Variants in LOXHD1 observed in about 807,000 individuals in gnomAD.
LOXHD1 encodes the protein lipoxygenase homology domain-containing protein 1.
Under a neutral mutation model 248.2 loss-of-function variants are expected in LOXHD1, and 205 were observed. The observed-to-expected ratio is 0.83, with a 90% CI of 0.74 to 0.93. LOXHD1 has a LOEUF of 0.93. Among genes scored for constraint, LOXHD1 ranks in the 40% least tolerant of loss-of-function variants. The probability of loss-of-function intolerance (pLI) is 0.00; values close to 1 mark genes in which losing one functional copy is unlikely to be tolerated. For missense variants in LOXHD1, 2,930 were observed against 2,971.6 expected, an observed-to-expected ratio of 0.99 and a Z score of 0.33; for synonymous variants, 1,113 against 1,162.8, an observed-to-expected ratio of 0.96 and a Z score of 0.87.
chr18:46,579,744 T>C lies in LOXHD1; in HGVS notation c.1695A>G (p.Glu565=), dbSNP rs2144147692. Residue 565 remains glutamate (E), a synonymous_variant, in exon 13 of 41, where the codon GAA becomes GAG. Transcript: ENST00000642948. ...AGACGTTGGCATCGGTCCCAGCACC[T>C]TCAAGTTCACCTGTGCACACAGTCA... is the stretch of plus-strand genomic sequence containing the variant. ...YHVTVCTGEL[E]GAGTDANVYL... 7 of 1,551,856 alleles carry C rather than the reference T, an allele frequency of 4.5e-6. No homozygotes were observed. The highest frequency in any genetic ancestry group is 6.1e-6 in the Non-Finnish European group (7 of 1,147,020).
chr18:46,543,904 ATC>A (rs1331033204), intron 23 of LOXHD1, among the ~76,000 whole-genome samples: 2 of 152,104 alleles, frequency 1.3e-5, no homozygotes, highest in African/African-American at 4.8e-5. Flanking sequence ...ACATGTGAGA[ATC>A]TCTGGAGCAT....
chr18:46,594,595 T>C, intron 8 of LOXHD1, 129 bp from the exon 9 acceptor site: 1 of 1,063,706 alleles, frequency 9.4e-7, no homozygotes, highest in Non-Finnish European at 1.3e-6. Flanking sequence ...TGGCACCTTT[T>C]CTGTTGCCTA....
In LOXHD1 at chr18:46,575,714, C is replaced by A. The variant is rs962969862; in HGVS notation, c.1970+1993G>T. Among the ~76,000 whole-genome samples, 4 of 152,216 alleles carry A rather than the reference C, an allele frequency of 2.6e-5. No individual in the cohort carries two copies. The South Asian group carries it at 8.3e-4, about 32-fold the overall frequency. On this transcript the variant is annotated intron_variant, in intron 14 of 40. Transcript: ENST00000642948. ...TGACACCTTGATTTTGGACTTCTGGCCTCCGAAACTGTGAGACATTATGTT... is the reference window on the plus strand; with the variant it reads ...TGACACCTTGATTTTGGACTTCTGGACTCCGAAACTGTGAGACATTATGTT...
At chr18:46,606,793 G>A (rs961070543) in intron 6 of LOXHD1, among the ~76,000 whole-genome samples, 2 of 151,972 alleles carry the variant, frequency 1.3e-5, no homozygotes, top group African/African-American at 2.4e-5. Flanking sequence ...TAATTTTGAG[G>A]AAAAAATAGA....
intron 21 of LOXHD1, among the ~76,000 whole-genome samples, chr18:46,551,374 AT>A (rs145739160): frequency 0.076 from 11,583 of 152,106 alleles, 585 homozygotes; most frequent in South Asian, 0.19. Context: ...AAGTGCTGGG[AT>A]TATAGGCATG....
rs997316324 is a variant in LOXHD1 at position 46,616,076 on chromosome 18, A to G, written c.610+2116T>C. On this transcript the variant is annotated intron_variant, in intron 5 of 40. Transcript: ENST00000642948. ...TCCCATTTATTCTCAGACTTTCTGT[A>G]TCATATACTGTATTTAAGCTGGATT... Among the ~76,000 whole-genome samples, 37 of 152,118 alleles carry G rather than the reference A, an allele frequency of 2.4e-4. 1 individual carries two copies.
chr18:46,544,044 T>C (rs1399675895), intron 23 of LOXHD1, among the ~76,000 whole-genome samples: 1 of 152,250 alleles, frequency 6.6e-6, no homozygotes, highest in Non-Finnish European at 1.5e-5. Context: ...GTCATCGCTA[T>C]GTCTTCCTGC....
At chr18:46,643,222 C>T (rs554491098) in intron 2 of LOXHD1, among the ~76,000 whole-genome samples, 2 of 152,296 alleles carry the variant, frequency 1.3e-5, no homozygotes, top group African/African-American at 2.4e-5. Context: ...GAGACCCCCA[C>T]AGGATGCAGC....
chr18:46,633,850 C>G (rs2038859019), intron 4 of LOXHD1, among the ~76,000 whole-genome samples: 1 of 152,064 alleles, frequency 6.6e-6, no homozygotes, highest in African/African-American at 2.4e-5. Flanking sequence ...TGCAAATTAC[C>G]AATAAGCACA....
chr18:46,608,578 A>C lies in LOXHD1; in HGVS notation c.759+2198T>G, dbSNP rs555064334. Among the ~76,000 whole-genome samples, 4 of 152,320 alleles carry C rather than the reference A, an allele frequency of 2.6e-5. No individual in the cohort carries two copies. In the East Asian group the frequency reaches 7.7e-4, roughly 29 times the overall value. ...CCCTGGCTGAGGTCATAAAATGCAC[A>C]GGCCTCCTCTCCCCGCTTTGCCCAG... On this transcript the variant is annotated intron_variant, in intron 6 of 40. Coordinates refer to ENST00000642948, the MANE Select transcript of LOXHD1 (RefSeq NM_001384474.1).
At chr18:46,570,755 A>G (rs550539589) in intron 15 of LOXHD1, among the ~76,000 whole-genome samples, 13 of 152,276 alleles carry the variant, frequency 8.5e-5, no homozygotes, top group African/African-American at 3.1e-4. Context: ...AGTTAAAAAA[A>G]TTGCAAAAAA....
intron 4 of LOXHD1, among the ~76,000 whole-genome samples, chr18:46,628,364 G>A (rs1247925745): frequency 6.6e-6 from 1 of 152,172 alleles, no homozygotes; most frequent in Non-Finnish European, 1.5e-5. Flanking sequence ...TGCAGGGCTG[G>A]CCCAGCCCTC....
At chr18:46,534,956 A>G (rs1024014830) in intron 26 of LOXHD1, among the ~76,000 whole-genome samples, 2 of 152,266 alleles carry the variant, frequency 1.3e-5, no homozygotes, top group South Asian at 2.1e-4. Context: ...GCCTTTGCAC[A>G]TGCTTTGCTT....
intron 4 of LOXHD1, among the ~76,000 whole-genome samples, chr18:46,637,779 A>G (rs1482227928): frequency 6.6e-6 from 1 of 152,200 alleles, no homozygotes; most frequent in Non-Finnish European, 1.5e-5. Context: ...GGTGAGGGAC[A>G]TGGGCACCCT....
At position 46,566,416 on chromosome 18, in the gene LOXHD1, C is replaced by T; in HGVS notation, c.2278G>A (p.Gly760Ser). Residue 760 changes from glycine (G) to serine (S), a missense_variant, in exon 17 of 41, where the codon GGC becomes AGC. Transcript: ENST00000642948. The stretch of plus-strand genomic sequence containing the variant: ...CCCAGGAACCAGCTGGCATGCATGC[C>T]AGTGCTGTCATGCCCAATCACCAGC... Reference protein sequence around the residue: ...NRLVIGHDSTGMHASWFLGSV... With the variant: ...NRLVIGHDSTSMHASWFLGSV... The T allele has an allele frequency of 8.4e-6, 13 of 1,551,022 alleles. No individual in the cohort carries two copies. The highest frequency in any genetic ancestry group is 1.1e-5 in the Non-Finnish European group (13 of 1,146,998).
At chr18:46,622,334 T>A (rs1041721305) in intron 4 of LOXHD1, among the ~76,000 whole-genome samples, 1 of 152,248 alleles carries the variant, frequency 6.6e-6, no homozygotes, top group Non-Finnish European at 1.5e-5. Flanking sequence ...TTTATGGACA[T>A]TGCCATGTGA....
At chr18:46,546,437 G>T (rs1598969229) in intron 22 of LOXHD1, among the ~76,000 whole-genome samples, 1 of 130,966 alleles carries the variant, frequency 7.6e-6, no homozygotes, top group East Asian at 2.3e-4. Context: ...CTACTTCAAT[G>T]CATTCCATTC....
At position 46,569,341 on chromosome 18, in the gene LOXHD1, C is replaced by T. The variant is rs144638220; in HGVS notation, c.2244+101G>A. On this transcript the variant is annotated intron_variant, in intron 16 of 40. Transcript: ENST00000642948. Reference sequence around the variant, plus strand: ...TTACCCTTATGTACATGAGTGTGTGCGTGTGTGTCTGTGTGTGGACATATG... The same window carrying T: ...TTACCCTTATGTACATGAGTGTGTGTGTGTGTGTCTGTGTGTGGACATATG... 4,156 of 994,116 alleles carry T rather than the reference C, an allele frequency of 4.2e-3. 15 individuals carry two copies. The highest frequency in any genetic ancestry group is 5.1e-3 in the Non-Finnish European group (3,392 of 660,738). The allele number at this position is 994,116 out of a possible 1,614,324, so 61.6% of individuals were successfully genotyped here. A position where few individuals can be genotyped will look rare whatever the true frequency, so the allele number is the denominator to read the frequency against.
intron 34 of LOXHD1, among the ~76,000 whole-genome samples, chr18:46,513,472 G>A (rs2035082054): frequency 6.6e-6 from 1 of 152,220 alleles, no homozygotes. Context: ...GGCCCTTAAT[G>A]TAATCCCAAG....
Sources: gnomAD v4.1 joint callset for allele counts (sites outside exome capture counted in the v4.1 genomes callset) on GRCh38, gnomAD v4.1.1 for gene constraint, MANE v1.5 for transcripts, NCBI Gene and HGNC (gene_info 2026-07-23, HGNC 2026-07-21) for gene names.